The following DNM3 variants were observed in gnomAD, a reference collection of about 807,000 sequenced individuals.
DNM3 encodes the protein dynamin 3.
A neutral mutation model predicts 101.6 loss-of-function variants in DNM3; 47 were observed. The ratio of observed to expected loss-of-function variants is 0.46; its 90% CI spans 0.37 to 0.59. DNM3 has a LOEUF of 0.59. Among genes scored for constraint, DNM3 ranks in the 20% least tolerant of loss-of-function variants. The pLI, the probability that DNM3 is intolerant of heterozygous loss-of-function variation, is 0.00. For synonymous variants in DNM3, 385 were observed against 387.9 expected, an observed-to-expected ratio of 0.99 and a Z score of 0.09; for missense variants, 849 against 1,085.7, an observed-to-expected ratio of 0.78 and a Z score of 3.06.
chr1:171,976,302 ACT>A (rs1303983502), intron 2 of DNM3, among the ~76,000 whole-genome samples: 1 of 152,238 alleles, frequency 6.6e-6, no homozygotes, highest in African/African-American at 2.4e-5. Flanking sequence ...GTAAAGACAT[ACT>A]GGAGATTGGG....
At chr1:172,048,380 G>A (rs966332154) in intron 9 of DNM3, among the ~76,000 whole-genome samples, 2 of 152,174 alleles carry the variant, frequency 1.3e-5, no homozygotes, top group African/African-American at 4.8e-5. Context: ...CATTTCTATT[G>A]TAGCATTTCT....
intron 7 of DNM3, among the ~76,000 whole-genome samples, chr1:172,041,302 T>G (rs2049369468): frequency 6.6e-6 from 1 of 152,146 alleles, no homozygotes; most frequent in South Asian, 2.1e-4. Context: ...AAGGGAGGTA[T>G]GCTGGATGCC....
At position 172,017,189 on chromosome 1, in the gene DNM3, A is replaced by C. The variant is rs964295552; in HGVS notation, c.590-15213A>C. The stretch of plus-strand genomic sequence containing the variant: ...ATTTTATAAATCTTTTCAAAAAAAC[A>C]GGATTTAGTTTTATTTTCTGCTCTA... On this transcript the variant is annotated intron_variant, in intron 4 of 20. Transcript: ENST00000627582. 3.3e-5 allele frequency among the ~76,000 whole-genome samples: 5 copies of C among 152,256 alleles called. No homozygotes were observed. The East Asian group carries it at 9.6e-4, about 29-fold the overall frequency.
intron 2 of DNM3, among the ~76,000 whole-genome samples, chr1:171,924,050 T>C (rs775880929): frequency 2.2e-4 from 34 of 152,200 alleles, no homozygotes; most frequent in Non-Finnish European, 3.5e-4. Context: ...CTATGGTGTA[T>C]GTGTCCCCTG....
downstream of DNM3, among the ~76,000 whole-genome samples, chr1:172,417,458 T>C (rs764088629): frequency 3.2e-4 from 48 of 152,286 alleles, no homozygotes; most frequent in Non-Finnish European, 6.3e-4. Flanking sequence ...CTCATTTCAT[T>C]ATCCATAGGT....
At chr1:172,219,766 T>A (rs1021650574) in intron 14 of DNM3, among the ~76,000 whole-genome samples, 4 of 152,130 alleles carry the variant, frequency 2.6e-5, no homozygotes, top group African/African-American at 9.7e-5. Context: ...AGGCTGTAGC[T>A]CCTTTAATTT....
chr1:171,983,691 A>G (rs1027097517), intron 2 of DNM3, among the ~76,000 whole-genome samples: 11 of 152,188 alleles, frequency 7.2e-5, no homozygotes, highest in Admixed American at 2.6e-4. Context: ...GGACTTCTCC[A>G]TGAACAAAAG....
chr1:172,323,178 A>T, intron 16 of DNM3, 151 bp from the exon 17 acceptor site: 1 of 787,554 alleles, frequency 1.3e-6, no homozygotes, highest in Non-Finnish European at 2.0e-6. Context: ...GTGAATAGTT[A>T]AATCATTTGT....
At chr1:172,101,939 A>G (rs1344578504) in intron 13 of DNM3, among the ~76,000 whole-genome samples, 1 of 151,870 alleles carries the variant, frequency 6.6e-6, no homozygotes, top group Non-Finnish European at 1.5e-5. Flanking sequence ...GCTCACCGCA[A>G]TCTCTGCCTC....
intron 1 of DNM3, among the ~76,000 whole-genome samples, chr1:171,892,033 A>G (rs561452229): frequency 6.6e-6 from 1 of 152,336 alleles, no homozygotes; most frequent in East Asian, 1.9e-4. Flanking sequence ...AATTTATATC[A>G]GTATGGACTC....
In DNM3 at chr1:171,856,633, C is replaced by T. The variant is rs148835271; in HGVS notation, c.161+14816C>T. ...CCTAGGTATTTTATTCTTTTTGTGG[C>T]AATTGTGAATGAGATTGTGTTCCTG... On this transcript the variant is annotated intron_variant, in intron 1 of 20. Coordinates refer to ENST00000627582, the MANE Select transcript of DNM3 (RefSeq NM_015569.5). 3.3e-3 allele frequency among the ~76,000 whole-genome samples: 500 copies of T among 152,140 alleles called. 2 individuals are homozygous for T. Among genetic ancestry groups the T allele is most frequent in the Non-Finnish European group, 3.8e-3 (261 of 67,992 alleles).
At chr1:172,192,658 A>G (rs2059778109) in intron 14 of DNM3, among the ~76,000 whole-genome samples, 1 of 151,752 alleles carries the variant, frequency 6.6e-6, no homozygotes. Context: ...TAGTTTACTG[A>G]GAACAATGAT....
chr1:172,262,000 C>T (rs1009198002), intron 15 of DNM3, among the ~76,000 whole-genome samples: 7 of 152,174 alleles, frequency 4.6e-5, no homozygotes, highest in Admixed American at 2.0e-4. Flanking sequence ...GGTGGACTTG[C>T]TCTCAGACCC....
intron 15 of DNM3, among the ~76,000 whole-genome samples, chr1:172,272,382 A>G (rs28872875): frequency 6.6e-6 from 1 of 152,148 alleles, no homozygotes; most frequent in Admixed American, 6.6e-5. Flanking sequence ...TGCTTTTTTT[A>G]AAACTGTGAT....
At chr1:172,223,206 G>A (rs2060974232) in intron 14 of DNM3, among the ~76,000 whole-genome samples, 1 of 150,842 alleles carries the variant, frequency 6.6e-6, no homozygotes, top group Non-Finnish European at 1.5e-5. Flanking sequence ...TGTATCTGTT[G>A]ATCTCTTCCC....
intron 17 of DNM3, among the ~76,000 whole-genome samples, chr1:172,349,316 T>C (rs2067094404): frequency 6.6e-6 from 1 of 152,180 alleles, no homozygotes; most frequent in Non-Finnish European, 1.5e-5. Context: ...CTTTTGAGGA[T>C]TCTCGAAATG....
intron 2 of DNM3, among the ~76,000 whole-genome samples, chr1:171,959,406 T>C (rs896188260): frequency 6.6e-6 from 1 of 152,110 alleles, no homozygotes; most frequent in African/African-American, 2.4e-5. Flanking sequence ...AGTGATGATA[T>C]CAAATAAATA....
chr1:172,186,139 G>A (rs2059515141), intron 14 of DNM3, among the ~76,000 whole-genome samples: 1 of 152,074 alleles, frequency 6.6e-6, no homozygotes, highest in Non-Finnish European at 1.5e-5. Flanking sequence ...GAGTTTGGGG[G>A]ATGACAGAAC....
At chr1:172,415,674 C>T (rs1267887984), downstream of DNM3, among the ~76,000 whole-genome samples, 2 of 151,840 alleles carry the variant, frequency 1.3e-5, no homozygotes, top group South Asian at 2.1e-4. Flanking sequence ...GGATTACAGG[C>T]GTGTGCCACC....
Sources: gnomAD v4.1 joint callset for allele counts (sites outside exome capture counted in the v4.1 genomes callset) on GRCh38, gnomAD v4.1.1 for gene constraint, MANE v1.5 for transcripts, NCBI Gene and HGNC (gene_info 2026-07-23, HGNC 2026-07-21) for gene names.